ZNF385D: variants seen among roughly 807,000 people sequenced by gnomAD.
The protein encoded by ZNF385D is zinc finger protein 659.
ZNF385D carries 15 observed loss-of-function variants against 35.8 expected under a neutral mutation model. The observed-to-expected ratio is 0.42, with a 90% CI of 0.28 to 0.64. The LOEUF (loss-of-function observed/expected upper bound fraction) is 0.64. Among genes scored for constraint, ZNF385D ranks in the 30% least tolerant of loss-of-function variants. The pLI is 0.23. For missense variants in ZNF385D, 474 were observed against 494.6 expected (o/e 0.96, Z 0.39); for synonymous variants, 212 against 186.8 (o/e 1.13, Z -1.10).
chr3:22,224,460 A>C (rs984042898), intron 2 of ZNF385D, among the ~76,000 whole-genome samples: 1 of 152,170 alleles, frequency 6.6e-6, no homozygotes, highest in Non-Finnish European at 1.5e-5. Context: ...TACCTTCAAG[A>C]AACTTCAAAT....
intron 1 of ZNF385D, among the ~76,000 whole-genome samples, chr3:21,676,604 G>T (rs771158538): frequency 1.3e-5 from 2 of 151,928 alleles, no homozygotes; most frequent in African/African-American, 2.4e-5. Context: ...CTATATTATG[G>T]TCTAGGTTCT....
At chr3:22,211,700 T>C (rs550445248) in intron 2 of ZNF385D, among the ~76,000 whole-genome samples, 2 of 151,936 alleles carry the variant, frequency 1.3e-5, no homozygotes, top group African/African-American at 4.8e-5. Context: ...AACAGGAGGA[T>C]AGTGGATGAT....
At chr3:21,660,139 CCCA>C (rs2066193839) in intron 2 of ZNF385D, among the ~76,000 whole-genome samples, 1 of 151,960 alleles carries the variant, frequency 6.6e-6, no homozygotes, top group South Asian at 2.1e-4. Context: ...CCCTCTCTTC[CCCA>C]CCTCCTCTCT....
At chr3:22,210,449 T>C (rs1255766001) in intron 2 of ZNF385D, among the ~76,000 whole-genome samples, 1 of 151,876 alleles carries the variant, frequency 6.6e-6, no homozygotes, top group Non-Finnish European at 1.5e-5. Flanking sequence ...AGTTAAAATA[T>C]ATTTACTGAC....
chr3:21,436,447 G>T (rs1257550262), intron 5 of ZNF385D, among the ~76,000 whole-genome samples: 2 of 152,120 alleles, frequency 1.3e-5, no homozygotes, highest in African/African-American at 4.8e-5. Flanking sequence ...TAACTAAAAA[G>T]AGTACATTTA....
chr3:21,929,281 T>G (rs1394540019), intron 3 of ZNF385D, among the ~76,000 whole-genome samples: 1 of 151,898 alleles, frequency 6.6e-6, no homozygotes, highest in Non-Finnish European at 1.5e-5. Flanking sequence ...ATCATAAAAC[T>G]CTCAACAAAC....
intron 3 of ZNF385D, among the ~76,000 whole-genome samples, chr3:22,096,886 T>C (rs563544763): frequency 9.9e-5 from 15 of 152,082 alleles, no homozygotes; most frequent in African/African-American, 2.7e-4. Context: ...TTGTGACTGA[T>C]TGACCAAAAA....
chr3:21,672,713 A>C (rs1220119517), intron 1 of ZNF385D, among the ~76,000 whole-genome samples: 1 of 152,166 alleles, frequency 6.6e-6, no homozygotes, highest in Non-Finnish European at 1.5e-5. Context: ...ACCTCAACAC[A>C]CTTGGAAGGA....
chr3:22,175,872 G>C (rs1576447916), intron 2 of ZNF385D, among the ~76,000 whole-genome samples: 1 of 148,972 alleles, frequency 6.7e-6, no homozygotes, highest in South Asian at 2.1e-4. Flanking sequence ...GACTAATGTA[G>C]AAAAATTTAT....
chr3:21,526,969 C>T (rs998625800), intron 3 of ZNF385D, among the ~76,000 whole-genome samples: 1 of 151,834 alleles, frequency 6.6e-6, no homozygotes, highest in Non-Finnish European at 1.5e-5. Context: ...TTTAGAAAAG[C>T]ACAAAGATGA....
intron 1 of ZNF385D, among the ~76,000 whole-genome samples, chr3:21,711,127 C>G (rs1042239748): frequency 1.4e-5 from 2 of 141,838 alleles, no homozygotes; most frequent in Admixed American, 7.8e-5. Flanking sequence ...CTGCAACTTC[C>G]GCCTCCCGTG....
chr3:21,997,458 C>G (rs1576116236), intron 3 of ZNF385D, among the ~76,000 whole-genome samples: 1 of 151,894 alleles, frequency 6.6e-6, no homozygotes, highest in South Asian at 2.1e-4. Flanking sequence ...TGTAACAAAT[C>G]TGCATGTTGT....
chr3:22,145,313 C>T (rs1704782854), intron 3 of ZNF385D, among the ~76,000 whole-genome samples: 1 of 152,186 alleles, frequency 6.6e-6, no homozygotes, highest in Admixed American at 6.5e-5. Context: ...ATTTGTGAAT[C>T]TGATGTTGAA....
At chr3:21,822,083 C>A (rs765595838) in intron 3 of ZNF385D, among the ~76,000 whole-genome samples, 1 of 148,418 alleles carries the variant, frequency 6.7e-6, no homozygotes, top group Admixed American at 6.7e-5. Context: ...AATTTTTTTT[C>A]TTTTTTGACA....
intron 3 of ZNF385D, among the ~76,000 whole-genome samples, chr3:21,829,714 C>T (rs1272344531): frequency 1.3e-5 from 2 of 151,944 alleles, no homozygotes. Context: ...ATGAATTAGG[C>T]TTTCCATGTG....
chr3:22,090,692 A>G (rs1240742494), intron 3 of ZNF385D, among the ~76,000 whole-genome samples: 1 of 152,158 alleles, frequency 6.6e-6, no homozygotes, highest in African/African-American at 2.4e-5. Flanking sequence ...AATTTAGGGT[A>G]CCAATTGAAA....
intron 3 of ZNF385D, among the ~76,000 whole-genome samples, chr3:21,926,460 G>A (rs1236274343): frequency 9.2e-5 from 14 of 152,106 alleles, no homozygotes; most frequent in Non-Finnish European, 8.8e-5. Context: ...CAAAGGACAC[G>A]AACTCATCCT....
intron 6 of ZNF385D, among the ~76,000 whole-genome samples, chr3:21,424,318 T>TA (rs375587956): frequency 0.034 from 1,400 of 41,714 alleles, 51 homozygotes; most frequent in East Asian, 0.13. Flanking sequence ...TATATATATA[T>TA]TTTTTTTTTT....
At chr3:21,831,431 A>C (rs1268456784) in intron 3 of ZNF385D, among the ~76,000 whole-genome samples, 1 of 152,216 alleles carries the variant, frequency 6.6e-6, no homozygotes, top group Admixed American at 6.5e-5. Flanking sequence ...ATTCAGTGAC[A>C]AATTACTCTT....
Sources: allele counts gnomAD v4.1 joint callset (sites outside exome capture counted in the v4.1 genomes callset), GRCh38; gene constraint gnomAD v4.1.1; transcripts MANE v1.5; gene names NCBI Gene and HGNC (gene_info 2026-07-23, HGNC 2026-07-21).